Variants in NEDD9 observed in about 807,000 individuals in gnomAD.
The protein encoded by NEDD9 is neural precursor cell expressed, developmentally down-regulated 9.
Under a neutral mutation model 76.6 loss-of-function variants are expected in NEDD9, and 26 were observed. That is an observed-to-expected ratio of 0.34 (90% CI 0.25 to 0.47). NEDD9 has a LOEUF of 0.47. Ranked by LOEUF, NEDD9 falls within the 20% of genes least tolerant of loss-of-function variation. The pLI, the probability that NEDD9 is intolerant of heterozygous loss-of-function variation, is 1.00. For synonymous variants in NEDD9, 392 were observed against 414.2 expected, an observed-to-expected ratio of 0.95 and a Z score of 0.65; for missense variants, 937 against 1,058.5, an observed-to-expected ratio of 0.89 and a Z score of 1.59.
At chr6:11,339,256 C>T (rs1762226274) in intron 1 of NEDD9, among the ~76,000 whole-genome samples, 3 of 152,182 alleles carry the variant, frequency 2.0e-5, no homozygotes, top group Admixed American at 6.5e-5. Context: ...AAATACCAAA[C>T]ATGCCTCATT....
intron 1 of NEDD9, among the ~76,000 whole-genome samples, chr6:11,353,800 A>C (rs193224239): frequency 3.0e-4 from 45 of 152,366 alleles, no homozygotes; most frequent in Admixed American, 7.2e-4. Context: ...GATTGGATGG[A>C]ATAGGGGCAG....
At chr6:11,214,881 C>T (rs898246812) in intron 1 of NEDD9, among the ~76,000 whole-genome samples, 3 of 152,150 alleles carry the variant, frequency 2.0e-5, no homozygotes, top group East Asian at 1.9e-4. Context: ...GAAAGGATTA[C>T]GGATTGGATG....
chr6:11,374,965 A>G (rs1221037525), intron 1 of NEDD9, among the ~76,000 whole-genome samples: 3 of 151,852 alleles, frequency 2.0e-5, no homozygotes, highest in Non-Finnish European at 4.4e-5. Context: ...TTCCTCTCCC[A>G]TTTAAGACCC....
chr6:11,375,953 T>A (rs1383206396), intron 1 of NEDD9, among the ~76,000 whole-genome samples: 2 of 152,132 alleles, frequency 1.3e-5, no homozygotes, highest in Non-Finnish European at 2.9e-5. Context: ...GCCTCCTGAG[T>A]AGCTGGGACT....
chr6:11,227,956 G>A (rs1759353745), intron 1 of NEDD9, among the ~76,000 whole-genome samples: 1 of 152,070 alleles, frequency 6.6e-6, no homozygotes, highest in South Asian at 2.1e-4. Context: ...CGCAAACAGA[G>A]AGGCAGATGA....
intron 1 of NEDD9, 48 bp downstream of exon 1, chr6:11,232,456 G>C (rs138983865): frequency 5.6e-6 from 9 of 1,611,678 alleles, no homozygotes; most frequent in Non-Finnish European, 7.6e-6. Context: ...CACACCCGCA[G>C]GCACAGCTTT....
intron 2 of NEDD9, among the ~76,000 whole-genome samples, chr6:11,331,677 C>T (rs1307627150): frequency 6.6e-6 from 1 of 152,154 alleles, no homozygotes; most frequent in Non-Finnish European, 1.5e-5. Context: ...TGCCATTCTC[C>T]AAAATGCAAC....
intron 4 of NEDD9, among the ~76,000 whole-genome samples, chr6:11,191,683 A>G (rs1381993233): frequency 6.6e-6 from 1 of 152,150 alleles, no homozygotes; most frequent in African/African-American, 2.4e-5. Flanking sequence ...GAGTCAAACG[A>G]GTTCACTCAA....
At chr6:11,269,755 T>C (rs1367320121) in intron 3 of NEDD9, among the ~76,000 whole-genome samples, 1 of 152,128 alleles carries the variant, frequency 6.6e-6, no homozygotes, top group African/African-American at 2.4e-5. Context: ...TACCCAAGGG[T>C]GTTCTGCAGA....
intron 1 of NEDD9, among the ~76,000 whole-genome samples, chr6:11,222,326 T>C (rs980286831): frequency 2.6e-5 from 4 of 152,232 alleles, no homozygotes; most frequent in Admixed American, 6.5e-5. Context: ...TGGTGCCTGA[T>C]TGGTATTATC....
At position 11,326,518 on chromosome 6, in the gene NEDD9, A is replaced by C. The variant is rs922198862; in HGVS notation, c.-153+7983T>G. ...ACTTTTATTGTTCACAGAGGTTTTC[A>C]AAGTATTGCCAAAGTCTATGAACAC... is the stretch of plus-strand genomic sequence containing the variant. On this transcript the variant is annotated intron_variant, in intron 2 of 3. Transcript: ENST00000397378. Among the ~76,000 whole-genome samples, 6 of 152,240 alleles carry C rather than the reference A, an allele frequency of 3.9e-5. No homozygotes were observed. The South Asian group carries it at 1.2e-3, about 32-fold the overall frequency.
intron 3 of NEDD9, among the ~76,000 whole-genome samples, chr6:11,291,420 A>G (rs1328355419): frequency 6.6e-6 from 1 of 151,874 alleles, no homozygotes; most frequent in Non-Finnish European, 1.5e-5. Context: ...GACTACAGGC[A>G]CCTGCCACCA....
At chr6:11,328,832 C>T (rs1464964177) in intron 2 of NEDD9, 5 of 152,170 alleles carry the variant, frequency 3.3e-5, no homozygotes, top group Non-Finnish European at 5.9e-5. Context: ...AGTTAGTGGC[C>T]CCAGAGGGGA....
chr6:11,284,276 G>A (rs543930782), intron 3 of NEDD9, among the ~76,000 whole-genome samples: 3 of 151,786 alleles, frequency 2.0e-5, no homozygotes, highest in Admixed American at 6.6e-5. Flanking sequence ...CTGGCTGGGC[G>A]CAGTGTCAGT....
intron 2 of NEDD9, among the ~76,000 whole-genome samples, chr6:11,207,755 A>C (rs1317387072): frequency 6.6e-6 from 1 of 152,226 alleles, no homozygotes; most frequent in Non-Finnish European, 1.5e-5. Context: ...GGTTGCAGAG[A>C]GGAAGCTTCA....
chr6:11,291,476 G>A (rs1350190036), intron 3 of NEDD9, among the ~76,000 whole-genome samples: 2 of 151,930 alleles, frequency 1.3e-5, no homozygotes, highest in Admixed American at 6.6e-5. Context: ...GGGTTTCACC[G>A]TAGTAGCCAG....
intron 3 of NEDD9, among the ~76,000 whole-genome samples, chr6:11,285,589 C>G (rs73361024): frequency 6.6e-6 from 1 of 151,976 alleles, no homozygotes; most frequent in African/African-American, 2.4e-5. Flanking sequence ...AAAAGAAGAA[C>G]AAACTTGGAG....
intron 5 of NEDD9, among the ~76,000 whole-genome samples, chr6:11,189,063 C>G (rs148254645): frequency 3.9e-5 from 6 of 151,914 alleles, no homozygotes; most frequent in African/African-American, 1.5e-4. Flanking sequence ...TCTTCTGCCT[C>G]GGCCTCCCAA....
chr6:11,268,736 CACACACACAG>C, intron 3 of NEDD9, among the ~76,000 whole-genome samples: 1 of 149,250 alleles, frequency 6.7e-6, no homozygotes, highest in Non-Finnish European at 1.5e-5. Context: ...CACACACACA[CACACACACAG>C]ACACACACAC....
Sources: allele counts gnomAD v4.1 joint callset (sites outside exome capture counted in the v4.1 genomes callset), GRCh38; gene constraint gnomAD v4.1.1; transcripts MANE v1.5; gene names NCBI Gene and HGNC (gene_info 2026-07-23, HGNC 2026-07-21).